Variants in BRINP2 observed in about 807,000 individuals in gnomAD.
BRINP2 encodes the protein BMP/retinoic acid inducible neural specific 2.
In BRINP2, 21 loss-of-function variants were observed where a neutral mutation model predicts 69.2. That is an observed-to-expected ratio of 0.30 (90% CI 0.22 to 0.44). BRINP2 has a LOEUF of 0.44. BRINP2 is among the 20% of genes least tolerant of loss of function. The pLI, the probability that BRINP2 is intolerant of heterozygous loss-of-function variation, is 1.00. For synonymous variants in BRINP2, 380 were observed against 394.1 expected (o/e 0.96, Z 0.42); for missense variants, 877 against 986.0 (o/e 0.89, Z 1.48).
At chr1:177,250,118 C>T (rs1650534004) in intron 2 of BRINP2, among the ~76,000 whole-genome samples, 1 of 152,108 alleles carries the variant, frequency 6.6e-6, no homozygotes, top group Admixed American at 6.5e-5. Context: ...GCTATGTTGC[C>T]TGGGCTGGAC....
intron 1 of BRINP2, among the ~76,000 whole-genome samples, chr1:177,187,564 C>T (rs1277272624): frequency 6.6e-6 from 1 of 152,126 alleles, no homozygotes; most frequent in African/African-American, 2.4e-5. Flanking sequence ...GCTTCTGGGG[C>T]TTCATATGAA....
intron 1 of BRINP2, among the ~76,000 whole-genome samples, chr1:177,214,785 CA>C: frequency 6.6e-6 from 1 of 152,200 alleles, no homozygotes; most frequent in South Asian, 2.1e-4. Context: ...TACTTATTGA[CA>C]AAATATAGCT....
intron 2 of BRINP2, among the ~76,000 whole-genome samples, chr1:177,235,282 C>T (rs920221359): frequency 2.6e-5 from 4 of 151,940 alleles, no homozygotes; most frequent in South Asian, 4.2e-4. Flanking sequence ...GAGATGGAGA[C>T]GGGAGCAAAA....
Position 177,282,263 on chromosome 1 carries a change from GA to G in BRINP2, c.*737del, listed in dbSNP as rs563789740. On this transcript the variant is annotated 3_prime_UTR_variant, in exon 8 of 8. Coordinates refer to ENST00000361539, the MANE Select transcript of BRINP2 (RefSeq NM_021165.4). ...CAACAGCATCTCTCTGTCGAAGAAA[GA>G]AGCTCTGTCAAGTTAGAGAGAGACA... 2 of 152,100 alleles carry G rather than the reference GA, an allele frequency of 1.3e-5. No individual in the cohort carries two copies. Among genetic ancestry groups the G allele is most frequent in the Non-Finnish European group, 2.9e-5 (2 of 68,018 alleles). 9.4% of individuals were successfully genotyped at this position (152,100 alleles called of 1,614,324 possible).
At chr1:177,207,959 G>A (rs1649112526) in intron 1 of BRINP2, among the ~76,000 whole-genome samples, 1 of 152,210 alleles carries the variant, frequency 6.6e-6, no homozygotes, top group Admixed American at 6.5e-5. Context: ...AAACGCCGCA[G>A]ACAAGTTAGG....
intron 1 of BRINP2, among the ~76,000 whole-genome samples, chr1:177,182,056 A>C (rs1218509830): frequency 2.0e-5 from 3 of 152,078 alleles, no homozygotes; most frequent in African/African-American, 7.2e-5. Flanking sequence ...GGACAGTTGC[A>C]TTTGCAGAAG....
chr1:177,250,907 A>G (rs905852232), intron 2 of BRINP2, among the ~76,000 whole-genome samples: 1 of 152,236 alleles, frequency 6.6e-6, no homozygotes, highest in Admixed American at 6.5e-5. Context: ...CCTCAATTTC[A>G]TCATCTATAA....
intron 1 of BRINP2, among the ~76,000 whole-genome samples, chr1:177,179,931 T>C (rs1648198304): frequency 6.6e-6 from 1 of 152,092 alleles, no homozygotes; most frequent in Non-Finnish European, 1.5e-5. Flanking sequence ...TATACACACA[T>C]ATGTACGTAT....
In BRINP2 at chr1:177,281,263, C is replaced by T; in HGVS notation, c.2087C>T (p.Ala696Val). 1 of 1,614,190 alleles carries T rather than the reference C, an allele frequency of 6.2e-7. No individual in the cohort carries two copies. Among genetic ancestry groups the T allele is most frequent in the Non-Finnish European group, 8.5e-7 (1 of 1,180,038 alleles). ...TACAGCCTGCCCTTTGACCCAGATG[C>T]TATCCGGGACTTAATTCTCCAGTTG... ...FGYSLPFDPD[A>V]IRDLILQLDY... The change falls in exon 8 of 8, where the codon GCT (alanine) becomes GTT (valine). Residue 696 changes from alanine (A) to valine (V), a missense_variant. By Grantham distance (64) the Ala-to-Val change is moderately conservative (BLOSUM62 0). This residue lies in a region of BRINP2 where 225 missense variants were observed against 218.7 expected (regional missense o/e 1.03). Coordinates refer to ENST00000361539, the MANE Select transcript of BRINP2 (RefSeq NM_021165.4).
chr1:177,228,727 A>G (rs1046173068), intron 1 of BRINP2, among the ~76,000 whole-genome samples: 3 of 152,198 alleles, frequency 2.0e-5, no homozygotes, highest in Admixed American at 1.3e-4. Flanking sequence ...GATTGAGGAA[A>G]TGATCACAAT....
At chr1:177,203,499 AG>A (rs957542169) in intron 1 of BRINP2, among the ~76,000 whole-genome samples, 2 of 152,200 alleles carry the variant, frequency 1.3e-5, no homozygotes, top group Non-Finnish European at 2.9e-5. Flanking sequence ...AAATAAAAAA[AG>A]AAAACATTTA....
At chr1:177,257,010 T>G in intron 3 of BRINP2, 166 bp from the exon 4 acceptor site, 1 of 1,526,504 alleles carries the variant, frequency 6.6e-7, no homozygotes, top group Non-Finnish European at 8.8e-7. Context: ...TGTGGCTCCC[T>G]CTGATGAGCT....
chr1:177,252,730 C>T (rs1246673553), intron 2 of BRINP2, among the ~76,000 whole-genome samples: 2 of 152,156 alleles, frequency 1.3e-5, no homozygotes, highest in Admixed American at 6.5e-5. Context: ...CCCTTTCCCA[C>T]TACCCTTCCT....
intron 2 of BRINP2, among the ~76,000 whole-genome samples, chr1:177,233,572 T>C (rs571374262): frequency 6.6e-6 from 1 of 152,374 alleles, no homozygotes; most frequent in Admixed American, 6.5e-5. Flanking sequence ...CGACAGCCTA[T>C]ATTAGAAGGG....
In BRINP2 at chr1:177,196,911, C is replaced by T. The variant is rs56088950; in HGVS notation, c.-77+25179C>T. Among the ~76,000 whole-genome samples, 419 of 152,208 alleles carry T rather than the reference C, an allele frequency of 2.8e-3. 5 individuals carry two copies. Among genetic ancestry groups the T allele is most frequent in the African/African-American group, 9.8e-3 (405 of 41,526 alleles). ...GAAAAGAAGAAAAAAATCCTTCCAT[C>T]CTGCTATGAACTGAATTGCTCCCCC... On this transcript the variant is annotated intron_variant, in intron 1 of 7. Coordinates refer to ENST00000361539, the MANE Select transcript of BRINP2 (RefSeq NM_021165.4).
At chr1:177,249,899 T>G (rs1650527510) in intron 2 of BRINP2, among the ~76,000 whole-genome samples, 1 of 152,210 alleles carries the variant, frequency 6.6e-6, no homozygotes, top group African/African-American at 2.4e-5. Flanking sequence ...TTATTTTGGT[T>G]CCATGAAGGG....
intron 5 of BRINP2, among the ~76,000 whole-genome samples, chr1:177,274,556 T>A (rs1368974622): frequency 6.6e-6 from 1 of 152,206 alleles, no homozygotes; most frequent in Non-Finnish European, 1.5e-5. Flanking sequence ...TGTCCCTGGA[T>A]GGGCTGGGTT....
intron 1 of BRINP2, among the ~76,000 whole-genome samples, chr1:177,224,439 A>T (rs72720772): frequency 0.074 from 11,226 of 152,206 alleles, 430 homozygotes; most frequent in Non-Finnish European, 0.085. Flanking sequence ...CTCCCCTTAC[A>T]TATGTGCCCC....
At chr1:177,225,182 T>C (rs1649661014) in intron 1 of BRINP2, among the ~76,000 whole-genome samples, 1 of 152,254 alleles carries the variant, frequency 6.6e-6, no homozygotes, top group South Asian at 2.1e-4. Flanking sequence ...CACTGCTTAC[T>C]TCTCATGTGA....
Sources: allele counts gnomAD v4.1 joint callset (sites outside exome capture counted in the v4.1 genomes callset), GRCh38; gene constraint gnomAD v4.1.1; regional missense constraint gnomAD v4.1.1; transcripts MANE v1.5; gene names NCBI Gene and HGNC (gene_info 2026-07-23, HGNC 2026-07-21).